MOBP: variants seen among roughly 807,000 people sequenced by gnomAD.
MOBP encodes the protein myelin associated oligodendrocyte basic protein.
In MOBP, 5 loss-of-function variants were observed where a neutral mutation model predicts 15.0. The ratio of observed to expected loss-of-function variants is 0.33; its 90% confidence interval spans 0.17 to 0.70. MOBP has a LOEUF of 0.70. Ranked by LOEUF, MOBP falls within the 30% of genes least tolerant of loss-of-function variation. The pLI is 0.67. For synonymous variants in MOBP, 88 were observed against 99.0 expected, an observed-to-expected ratio of 0.89 and a Z score of 0.66; for missense variants, 188 against 257.8, an observed-to-expected ratio of 0.73 and a Z score of 1.85.
downstream of MOBP, chr3:39,527,180 C>T: frequency 6.6e-6 from 1 of 152,202 alleles, no homozygotes; most frequent in Non-Finnish European, 1.5e-5. Context: ...ACACAATTGA[C>T]TCTCGTCAGC....
At chr3:39,508,454 T>C (rs1316047965) in intron 4 of MOBP, among the ~76,000 whole-genome samples, 1 of 152,194 alleles carries the variant, frequency 6.6e-6, no homozygotes, top group African/African-American at 2.4e-5. Context: ...AACTTTTGCC[T>C]TTTCTAAGAT....
At chr3:39,470,669 A>T (rs1768192) in intron 1 of MOBP, among the ~76,000 whole-genome samples, 41,740 of 152,074 alleles carry the variant, frequency 0.27, 7,287 homozygotes, top group African/African-American at 0.49. Context: ...AATTATTTGT[A>T]CTCACTAAAA....
intron 1 of MOBP, among the ~76,000 whole-genome samples, chr3:39,469,015 CAT>C (rs1491365605): frequency 7.0e-5 from 4 of 56,972 alleles, no homozygotes; most frequent in African/African-American, 3.0e-4. Flanking sequence ...TACATATATA[CAT>C]ATGTGTGTAT....
downstream of MOBP, chr3:39,525,144 G>A (rs1473658061): frequency 6.6e-6 from 1 of 152,022 alleles, no homozygotes; most frequent in Non-Finnish European, 1.5e-5. Context: ...AATAATTCCT[G>A]GTTTGAAGAA....
chr3:39,513,272 C>A, intron 4 of MOBP: 1 of 900,940 alleles, frequency 1.1e-6, no homozygotes, highest in Non-Finnish European at 1.7e-6. Context: ...GCAGAATAAC[C>A]TCAAAGGTAG....
At chr3:39,471,277 G>A (rs576496629) in intron 1 of MOBP, among the ~76,000 whole-genome samples, 4 of 151,912 alleles carry the variant, frequency 2.6e-5, no homozygotes, top group South Asian at 2.1e-4. Context: ...CTGCAGGCTC[G>A]TGCCACCACG....
At chr3:39,469,184 GTGTGTGTATATACATATATACA>G (rs2042424798) in intron 1 of MOBP, among the ~76,000 whole-genome samples, 1 of 102,754 alleles carries the variant, frequency 9.7e-6, no homozygotes, top group Non-Finnish European at 1.9e-5. Flanking sequence ...ATACATGTGT[GTGTGTGTATATACATATATACA>G]TGTGTGTGTA....
At chr3:39,506,635 C>T (rs1190584269), downstream of MOBP, among the ~76,000 whole-genome samples, 2 of 152,164 alleles carry the variant, frequency 1.3e-5, no homozygotes, top group South Asian at 2.1e-4. Context: ...AGTCAGCCAA[C>T]GCTGCTTCAA....
At chr3:39,529,445 A>G (rs1257690204), downstream of MOBP, 1 of 152,222 alleles carries the variant, frequency 6.6e-6, no homozygotes, top group African/African-American at 2.4e-5. Context: ...TGATGTCTGT[A>G]AGAACTAAAT....
At chr3:39,500,414 A>G (rs887923038) in intron 2 of MOBP, among the ~76,000 whole-genome samples, 1 of 152,256 alleles carries the variant, frequency 6.6e-6, no homozygotes, top group East Asian at 1.9e-4. Context: ...AAAAAATGAA[A>G]GATTTGCCAA....
chr3:39,485,742 C>T (rs2042696418), intron 2 of MOBP, among the ~76,000 whole-genome samples: 1 of 152,190 alleles, frequency 6.6e-6, no homozygotes, highest in Admixed American at 6.5e-5. Context: ...CCTCCCTCGC[C>T]AGTGCCTCTG....
At chr3:39,527,323 A>G (rs1387394401), downstream of MOBP, 3 of 152,212 alleles carry the variant, frequency 2.0e-5, no homozygotes, top group African/African-American at 7.2e-5. Flanking sequence ...GAGAATATAA[A>G]CTAAATTCAA....
intron 2 of MOBP, among the ~76,000 whole-genome samples, chr3:39,493,523 C>T (rs1402895720): frequency 6.6e-6 from 1 of 152,084 alleles, no homozygotes; most frequent in Admixed American, 6.5e-5. Flanking sequence ...GGGGACAGGA[C>T]ATAAGTGGCT....
intron 2 of MOBP, among the ~76,000 whole-genome samples, chr3:39,496,540 C>T (rs2042886109): frequency 6.6e-6 from 1 of 151,786 alleles, no homozygotes; most frequent in Admixed American, 6.6e-5. Context: ...GCTGTGTTGC[C>T]CAGGCTGGAG....
At chr3:39,508,383 T>C (rs549734003) in intron 4 of MOBP, among the ~76,000 whole-genome samples, 1 of 152,190 alleles carries the variant, frequency 6.6e-6, no homozygotes, top group Non-Finnish European at 1.5e-5. Flanking sequence ...AATTTCCTTA[T>C]ATTTCACCTA....
chr3:39,469,533 C>T (rs1338080096), intron 1 of MOBP, among the ~76,000 whole-genome samples: 2 of 152,058 alleles, frequency 1.3e-5, no homozygotes, highest in African/African-American at 4.8e-5. Context: ...GAGAACCATG[C>T]ATGACCTTTT....
At chr3:39,516,794 G>T (rs1014743772), downstream of MOBP, among the ~76,000 whole-genome samples, 4 of 152,298 alleles carry the variant, frequency 2.6e-5, no homozygotes, top group African/African-American at 2.4e-5. Flanking sequence ...AGGAATAAGA[G>T]TTGGAGAAAG....
intron 1 of MOBP, among the ~76,000 whole-genome samples, chr3:39,473,805 A>T (rs1478356886): frequency 2.0e-5 from 3 of 152,224 alleles, no homozygotes; most frequent in African/African-American, 7.2e-5. Flanking sequence ...AACATCACAC[A>T]CTGTACACCA....
rs529055990 is a variant in MOBP at position 39,485,953 on chromosome 3, A to G, written c.-5+5830A>G. ...GTTTGTCTACTTTTTAAAAAAATGT[A>G]TAGTTTGTTTTTAATGTAAACATCC... On this transcript the variant is annotated intron_variant, in intron 2 of 3. Coordinates refer to ENST00000684792, the MANE Select transcript of MOBP (RefSeq NM_001393704.1). Among the ~76,000 whole-genome samples, 23 of 152,246 alleles carry G rather than the reference A, an allele frequency of 1.5e-4. No homozygotes were observed. In the South Asian group the frequency reaches 3.7e-3, roughly 25 times the overall value.
Sources: allele counts gnomAD v4.1 joint callset (sites outside exome capture counted in the v4.1 genomes callset), GRCh38; gene constraint gnomAD v4.1.1; transcripts MANE v1.5; gene names NCBI Gene and HGNC (gene_info 2026-07-23, HGNC 2026-07-21).